ARHGEF33: variants seen among roughly 807,000 people sequenced by gnomAD.
ARHGEF33 encodes the protein DH and coiled-coil domain-containing protein ENSP00000381780.
A neutral mutation model predicts 101.9 loss-of-function variants in ARHGEF33; 72 were observed. That is an observed-to-expected ratio of 0.71 (90% confidence interval 0.58 to 0.86). The LOEUF is 0.86. Among genes scored for constraint, ARHGEF33 ranks in the 40% least tolerant of loss-of-function variants. The probability of loss-of-function intolerance (pLI) is 0.00; values close to 1 mark genes in which losing one functional copy is unlikely to be tolerated. For synonymous variants in ARHGEF33, 499 were observed against 442.5 expected, an observed-to-expected ratio of 1.13 and a Z score of -1.60; for missense variants, 1,169 against 1,111.3, an observed-to-expected ratio of 1.05 and a Z score of -0.74.
In ARHGEF33 at chr2:38,935,833, T is replaced by G; in HGVS notation, c.564T>G (p.Pro188=). 8 of 1,550,092 alleles carry G rather than the reference T, an allele frequency of 5.2e-6. No homozygotes were observed. The highest frequency in any genetic ancestry group is 7.0e-6 in the Non-Finnish European group (8 of 1,145,204). The change falls in exon 8 of 18, where the codon CCT becomes CCG. Residue 188 remains proline, a splice_region_variant and synonymous_variant. Transcript: ENST00000409978. ...GTAATGTAAAAGGAATGATGGGTCC[T>G]GGTAAGTGACTCTTCTCTTAGTTTT... ...GDSNVKGMMG[P]GVNPTTPEAE... is the part of the protein sequence containing the mutation.
chr2:38,895,489 C>G (rs557616207), intron 1 of ARHGEF33, among the ~76,000 whole-genome samples: 102 of 152,236 alleles, frequency 6.7e-4, no homozygotes, highest in African/African-American at 2.3e-3. Context: ...AGTTCTCGAG[C>G]TATGTTTTTA....
At chr2:38,890,889 A>T (rs958539398) in intron 1 of ARHGEF33, among the ~76,000 whole-genome samples, 1 of 152,124 alleles carries the variant, frequency 6.6e-6, no homozygotes, top group African/African-American at 2.4e-5. Context: ...TACATTTTTC[A>T]TAACCATGGG....
chr2:38,890,968 G>GTTTTTTTTTTTTTTTTTTTTT (rs11380408), intron 1 of ARHGEF33, among the ~76,000 whole-genome samples: 2 of 145,012 alleles, frequency 1.4e-5, no homozygotes, highest in Admixed American at 6.9e-5. Flanking sequence ...CATACTATTG[G>GTTTTTTTTTTTTTTTTTTTTT]TTTTTTTTTT....
chr2:38,951,259 T>C lies in ARHGEF33; in HGVS notation c.1053+138T>C, dbSNP rs558451815. ...GAGATCTAGTCTAACTTTCTCATTC[T>C]ACATACAGATCATGGAATGATTCAG... is the stretch of plus-strand genomic sequence containing the variant. On this transcript the variant is annotated intron_variant, in intron 11 of 17. Coordinates refer to ENST00000409978, the MANE Select transcript of ARHGEF33 (RefSeq NM_001145451.5). 4.9e-5 allele frequency: 40 copies of C among 813,884 alleles called. 1 individual carries two copies. In the African/African-American group the frequency reaches 5.4e-4, roughly 11 times the overall value. The allele number at this position is 813,884 out of a possible 1,614,324, so 50.4% of individuals were successfully genotyped here.
At chr2:38,958,302 A>G in intron 15 of ARHGEF33, 104 bp downstream of exon 15, 1 of 1,411,684 alleles carries the variant, frequency 7.1e-7, no homozygotes, top group South Asian at 1.4e-5. Flanking sequence ...CCCTTTCCCC[A>G]TCAGGCCTAT....
At chr2:38,931,341 G>T in intron 7 of ARHGEF33, 90 bp downstream of exon 7, 1 of 1,184,672 alleles carries the variant, frequency 8.4e-7, no homozygotes, top group South Asian at 1.7e-5. Flanking sequence ...ATCTTTGTTA[G>T]AAGAAAATGG....
At chr2:38,963,023 CAA>C (rs34417172) in intron 16 of ARHGEF33, among the ~76,000 whole-genome samples, 1,025 of 102,014 alleles carry the variant, frequency 0.01, 4 homozygotes, top group Middle Eastern at 0.014. Flanking sequence ...GACTCTGTCT[CAA>C]AAAAAAAAAA....
At chr2:38,944,456 A>G (rs536640044) in intron 10 of ARHGEF33, among the ~76,000 whole-genome samples, 3 of 152,052 alleles carry the variant, frequency 2.0e-5, no homozygotes, top group Admixed American at 6.6e-5. Flanking sequence ...AGCTCTCACA[A>G]CCTAAACACC....
At chr2:38,907,211 G>A (rs981002648) in intron 2 of ARHGEF33, among the ~76,000 whole-genome samples, 8 of 152,182 alleles carry the variant, frequency 5.3e-5, no homozygotes, top group Non-Finnish European at 1.2e-4. Flanking sequence ...TGTCAAGTAT[G>A]CACGGGCTGT....
rs909148547 is a variant in ARHGEF33 at position 38,973,778 on chromosome 2, A to G, written c.2548A>G (p.Lys850Glu). The change falls in exon 18 of 18, where the codon AAA becomes GAA. Residue 850 changes from lysine to glutamate, a missense_variant. Lys to Glu is a moderately conservative substitution (Grantham distance 56). Transcript: ENST00000409978. ...ENPSMDPSPT[K>E]QDFFRNRLAL... ...TCCCTCAATGGATCCTTCACCCACC[A>G]AACAAGATTTCTTCAGAAACCGACT... 1.9e-6 allele frequency: 3 copies of G among 1,549,380 alleles called. No homozygotes were observed. The highest frequency in any genetic ancestry group is 2.6e-6 in the Non-Finnish European group (3 of 1,146,318).
At chr2:38,936,089 C>T (rs1285709680) in intron 8 of ARHGEF33, among the ~76,000 whole-genome samples, 1 of 152,296 alleles carries the variant, frequency 6.6e-6, no homozygotes, top group Admixed American at 6.5e-5. Context: ...ATTTCAATGA[C>T]TAATAAATTC....
At chr2:38,899,317 G>A (rs182060225) in intron 2 of ARHGEF33, among the ~76,000 whole-genome samples, 30 of 152,170 alleles carry the variant, frequency 2.0e-4, no homozygotes, top group African/African-American at 7.2e-4. Flanking sequence ...AAGTAAAATT[G>A]CTAGTATAAA....
intron 9 of ARHGEF33, 68 bp downstream of exon 9, chr2:38,937,627 A>T: frequency 1.1e-6 from 1 of 951,356 alleles, no homozygotes; most frequent in South Asian, 1.6e-5. Context: ...TTGAACTCAA[A>T]GGCGAGAATC....
At chr2:38,935,060 A>G (rs972006437) in intron 7 of ARHGEF33, among the ~76,000 whole-genome samples, 3 of 151,790 alleles carry the variant, frequency 2.0e-5, no homozygotes, top group Non-Finnish European at 2.9e-5. Context: ...AAAAAAAAAA[A>G]AAAGAAACAG....
chr2:38,924,166 A>C (rs138364510), intron 4 of ARHGEF33, among the ~76,000 whole-genome samples: 421 of 152,358 alleles, frequency 2.8e-3, no homozygotes, highest in Middle Eastern at 0.01. Context: ...AAAATTATAG[A>C]TAGCTAAGAA....
At chr2:38,900,053 G>A (rs574676421) in intron 2 of ARHGEF33, among the ~76,000 whole-genome samples, 1 of 152,132 alleles carries the variant, frequency 6.6e-6, no homozygotes, top group Admixed American at 6.5e-5. Flanking sequence ...TTAGTCTGGT[G>A]TGGTGGCATG....
intron 1 of ARHGEF33, among the ~76,000 whole-genome samples, chr2:38,892,810 A>G (rs1558420507): frequency 6.6e-6 from 1 of 152,162 alleles, no homozygotes; most frequent in African/African-American, 2.4e-5. Context: ...TGTCGCTTCT[A>G]TCTGTGCCCT....
intron 1 of ARHGEF33, among the ~76,000 whole-genome samples, chr2:38,891,712 T>A (rs1045904962): frequency 2.0e-5 from 3 of 152,246 alleles, no homozygotes; most frequent in African/African-American, 7.2e-5. Flanking sequence ...AAGGACAGTG[T>A]GGAAGATTCC....
Position 38,973,789 on chromosome 2 carries a change from C to T in ARHGEF33, c.2559C>T (p.Phe853=). 1.9e-6 allele frequency: 3 copies of T among 1,549,424 alleles called. No individual in the cohort carries two copies. The highest frequency in any genetic ancestry group is 2.6e-6 in the Non-Finnish European group (3 of 1,146,356). ...ATCCTTCACCCACCAAACAAGATTT[C>T]TTCAGAAACCGACTTGCTCTTGCAA... The part of the protein sequence containing the change: ...SMDPSPTKQD[F]FRNRLALAND... The change falls in exon 18 of 18, where the codon TTC becomes TTT. Residue 853 remains phenylalanine (F), a synonymous_variant. Transcript: ENST00000409978.
Sources: allele counts gnomAD v4.1 joint callset (sites outside exome capture counted in the v4.1 genomes callset), GRCh38; gene constraint gnomAD v4.1.1; transcripts MANE v1.5; gene names NCBI Gene and HGNC (gene_info 2026-07-23, HGNC 2026-07-21).